IL1RAPL1: variants seen among roughly 807,000 people sequenced by gnomAD.
IL1RAPL1 encodes the protein interleukin-1 receptor accessory protein-like 1.
In IL1RAPL1, 3 loss-of-function variants were observed where a neutral mutation model predicts 48.4. That is an observed-to-expected ratio of 0.06 (90% confidence interval 0.03 to 0.16). The LOEUF is 0.16. Among genes scored for constraint, IL1RAPL1 ranks in the 10% least tolerant of loss-of-function variants. IL1RAPL1 has a pLI of 1.00. For missense variants in IL1RAPL1, 349 were observed against 530.6 expected (o/e 0.66, Z 3.36); for synonymous variants, 185 against 187.7 (o/e 0.99, Z 0.12).
chrX:28,757,088 C>G (rs1378062986), intron 1 of IL1RAPL1, among the ~76,000 whole-genome samples: 1 of 112,426 alleles, frequency 8.9e-6, no homozygotes, highest in African/African-American at 3.2e-5. Context: ...ATCACAGTTT[C>G]CCATGAAGGA....
At chrX:29,463,975 C>A (rs1011681055) in intron 5 of IL1RAPL1, among the ~76,000 whole-genome samples, 4 of 111,531 alleles carry the variant, frequency 3.6e-5, no homozygotes, top group African/African-American at 1.3e-4. Flanking sequence ...CCAGCCCAGT[C>A]CAGTCTTTAT....
chrX:29,464,314 C>G (rs748260007), intron 5 of IL1RAPL1, among the ~76,000 whole-genome samples: 24 of 111,572 alleles, frequency 2.2e-4, no homozygotes, highest in Non-Finnish European at 4.1e-4. Flanking sequence ...GATGCAGGAT[C>G]ATCAAGTATC....
chrX:29,866,601 T>C (rs1199326101), intron 6 of IL1RAPL1, among the ~76,000 whole-genome samples: 1 of 107,697 alleles, frequency 9.3e-6, no homozygotes, highest in Non-Finnish European at 1.9e-5. Context: ...CAAAAAAAAA[T>C]CTATTTCATT....
intron 3 of IL1RAPL1, among the ~76,000 whole-genome samples, chrX:29,309,536 G>A (rs955854627): frequency 2.7e-5 from 3 of 112,506 alleles, no homozygotes; most frequent in African/African-American, 9.7e-5. Context: ...GGCGGGGCTG[G>A]GCTCAGTGGC....
intron 5 of IL1RAPL1, among the ~76,000 whole-genome samples, chrX:29,580,153 C>G (rs1450161555): frequency 5.0e-5 from 5 of 99,156 alleles, no homozygotes; most frequent in Non-Finnish European, 2.0e-5. Context: ...TTTTTTTTCA[C>G]TTTGACGTGC....
rs575835101 is a variant in IL1RAPL1 at position 29,279,079 on chromosome X, C to A, written c.83-3859C>A. Among the ~76,000 whole-genome samples, 110 of 112,302 alleles carry A rather than the reference C, an allele frequency of 9.8e-4. No individual in the cohort carries two copies. The South Asian group carries it at 0.017, about 17-fold the overall frequency. ...AAAAAATATATCTCCTTCATCACTTCTTTCATTTAGTAAAATGTTTTATTG... is the reference window on the plus strand; with the variant it reads ...AAAAAATATATCTCCTTCATCACTTATTTCATTTAGTAAAATGTTTTATTG... On this transcript the variant is annotated intron_variant, in intron 2 of 10. Coordinates refer to ENST00000378993, the MANE Select transcript of IL1RAPL1 (RefSeq NM_014271.4).
chrX:29,944,925 C>T (rs1354699156), intron 9 of IL1RAPL1, among the ~76,000 whole-genome samples: 2 of 110,096 alleles, frequency 1.8e-5, no homozygotes, highest in East Asian at 2.8e-4. Flanking sequence ...CCCATAAACT[C>T]GGCTACACGC....
At chrX:29,252,034 G>A (rs111849734) in intron 2 of IL1RAPL1, among the ~76,000 whole-genome samples, 5,120 of 64,312 alleles carry the variant, frequency 0.08, 502 homozygotes, top group African/African-American at 0.22. Context: ...CAAACACCGC[G>A]TGTTCTCACT....
intron 5 of IL1RAPL1, among the ~76,000 whole-genome samples, chrX:29,477,155 A>G (rs1457199824): frequency 9.0e-6 from 1 of 111,394 alleles, no homozygotes; most frequent in Non-Finnish European, 1.9e-5. Context: ...GGTATAGATC[A>G]GCTGTACTTT....
chrX:29,865,517 G>C (rs1352794599), intron 6 of IL1RAPL1, among the ~76,000 whole-genome samples: 2 of 110,849 alleles, frequency 1.8e-5, no homozygotes, highest in Non-Finnish European at 3.8e-5. Context: ...TATTAATATT[G>C]AGTGAAATTA....
intron 6 of IL1RAPL1, among the ~76,000 whole-genome samples, chrX:29,908,057 A>T (rs1932677637): frequency 9.0e-6 from 1 of 111,211 alleles, no homozygotes; most frequent in Non-Finnish European, 1.9e-5. Flanking sequence ...CTAAACTGTA[A>T]GTACATTAAA....
intron 2 of IL1RAPL1, among the ~76,000 whole-genome samples, chrX:28,928,960 T>C (rs1923816457): frequency 8.9e-6 from 1 of 112,234 alleles, no homozygotes; most frequent in Admixed American, 9.5e-5. Context: ...TCAGGCGATA[T>C]TTAACTATTT....
chrX:29,282,218 T>A (rs965048109), intron 2 of IL1RAPL1, among the ~76,000 whole-genome samples: 1 of 112,451 alleles, frequency 8.9e-6, no homozygotes, highest in Non-Finnish European at 1.9e-5. Flanking sequence ...GAGGAATGGC[T>A]ACCATTAGCC....
intron 2 of IL1RAPL1, among the ~76,000 whole-genome samples, chrX:29,166,446 C>T (rs1228275973): frequency 9.0e-6 from 1 of 111,710 alleles, no homozygotes; most frequent in Non-Finnish European, 1.9e-5. Context: ...CCTGTGAAAT[C>T]TCCCTTGAAT....
chrX:29,509,263 T>TGAA (rs1935368450), intron 5 of IL1RAPL1, among the ~76,000 whole-genome samples: 1 of 112,288 alleles, frequency 8.9e-6, no homozygotes, highest in Non-Finnish European at 1.9e-5. Context: ...GCCTCAGCTC[T>TGAA]GCTCTTAAGC....
At chrX:29,341,929 C>T (rs1933082574) in intron 3 of IL1RAPL1, among the ~76,000 whole-genome samples, 1 of 110,420 alleles carries the variant, frequency 9.1e-6, no homozygotes, top group Admixed American at 9.7e-5. Context: ...ACCTCAGCCT[C>T]CTGATTAGCT....
At chrX:28,633,379 G>A (rs113250625) in intron 1 of IL1RAPL1, among the ~76,000 whole-genome samples, 250 of 111,005 alleles carry the variant, frequency 2.3e-3, no homozygotes, top group African/African-American at 7.6e-3. Flanking sequence ...TTGTAATTTT[G>A]GCATCCTACT....
At chrX:28,989,526 A>G (rs770214867) in intron 2 of IL1RAPL1, among the ~76,000 whole-genome samples, 1 of 112,596 alleles carries the variant, frequency 8.9e-6, no homozygotes, top group East Asian at 2.8e-4. Context: ...TGTTAAGATA[A>G]TAGCTTTTAG....
chrX:28,957,054 G>T (rs1924632183), intron 2 of IL1RAPL1, among the ~76,000 whole-genome samples: 1 of 110,768 alleles, frequency 9.0e-6, no homozygotes, highest in Non-Finnish European at 1.9e-5. Context: ...TTGCGTAGAG[G>T]TGTTTGTAGT....
Sources: gnomAD v4.1 joint callset for allele counts (sites outside exome capture counted in the v4.1 genomes callset) on GRCh38, gnomAD v4.1.1 for gene constraint, MANE v1.5 for transcripts, NCBI Gene and HGNC (gene_info 2026-07-23, HGNC 2026-07-21) for gene names.